The following KCNN4 variants were observed in gnomAD, a reference collection of about 807,000 sequenced individuals.
The protein encoded by KCNN4 is intermediate conductance calcium-activated potassium channel protein 4.
In KCNN4, 31 loss-of-function variants were observed where a neutral mutation model predicts 45.2. The observed-to-expected ratio is 0.69, with a 90% CI of 0.52 to 0.92. The LOEUF is 0.92. KCNN4 is among the 40% of genes least tolerant of loss of function. KCNN4 has a pLI of 0.00. For missense variants in KCNN4, 463 were observed against 574.0 expected (o/e 0.81, Z 1.98); for synonymous variants, 231 against 254.6 (o/e 0.91, Z 0.88).
In KCNN4 at chr19:43,769,317, T is replaced by C; in HGVS notation, c.1049+125A>G. Reference sequence around the variant, plus strand: ...GTCAGATCCAGGTGAGACCTGGATGTTGAGTGAGACCACACCTGGGTGTCC... The same window carrying C: ...GTCAGATCCAGGTGAGACCTGGATGCTGAGTGAGACCACACCTGGGTGTCC... On this transcript the variant is annotated intron_variant, in intron 6 of 8. Transcript: ENST00000648319. This position sits in a 1 kb window ranked among gnomAD's most constrained non-coding sequence, Gnocchi z 4.4. 2 of 779,114 alleles carry C rather than the reference T, an allele frequency of 2.6e-6. No individual in the cohort carries two copies. The highest frequency in any genetic ancestry group is 4.4e-6 in the Non-Finnish European group (2 of 453,516). 48.3% of individuals were successfully genotyped at this position (779,114 alleles called of 1,614,324 possible).
In KCNN4 at chr19:43,774,098, G is replaced by T. The variant is rs1422190360; in HGVS notation, c.683+94C>A. On this transcript the variant is annotated intron_variant, in intron 3 of 8. Coordinates refer to ENST00000648319, the MANE Select transcript of KCNN4 (RefSeq NM_002250.3). This position sits in a 1 kb window ranked among gnomAD's most constrained non-coding sequence, Gnocchi z 5.6. Reference sequence around the variant, plus strand: ...AAGTGTGAACTTTCTCCACTGCTTGGTCCTAGGGGGCCTCAACCTGCACCG... The same window carrying T: ...AAGTGTGAACTTTCTCCACTGCTTGTTCCTAGGGGGCCTCAACCTGCACCG... The T allele has an allele frequency of 9.9e-6, 13 of 1,314,172 alleles. No homozygotes were observed. The highest frequency in any genetic ancestry group is 1.5e-5 in the African/African-American group (1 of 67,882). The allele number at this position is 1,314,172 out of a possible 1,614,324, so 81.4% of individuals were successfully genotyped here.
rs200732489 is a variant in KCNN4 at position 43,780,857 on chromosome 19, C to T, written c.5G>A (p.Gly2Asp). 108 of 1,613,772 alleles carry T rather than the reference C, an allele frequency of 6.7e-5. No homozygotes were observed. Among genetic ancestry groups the T allele is most frequent in the Non-Finnish European group, 8.8e-5 (104 of 1,179,942 alleles). ...CCCCAGGCCAAGCACCAGATCCCCG[C>T]CCATGGCCCCCGGGGTCTTGGGGCT... M[G>D]GDLVLGLGAL... The change falls in exon 1 of 9, where the codon GGC becomes GAC. Residue 2 changes from glycine to aspartate, a missense_variant. This residue lies in a region of KCNN4 where 225 missense variants were observed against 240.9 expected (regional missense o/e 0.93). Coordinates refer to ENST00000648319, the MANE Select transcript of KCNN4 (RefSeq NM_002250.3).
At chr19:43,770,523 A>T (rs1226319254) in intron 4 of KCNN4, among the ~76,000 whole-genome samples, 1 of 152,184 alleles carries the variant, frequency 6.6e-6, no homozygotes, top group African/African-American at 2.4e-5. Context: ...GAATCTTCCT[A>T]GGAAGCATCC....
chr19:43,767,485 GCCACAGGAACCCTTCCT>G (rs761405380), intron 8 of KCNN4, 38 bp downstream of exon 8: 465 of 1,579,140 alleles, frequency 2.9e-4, no homozygotes, highest in Non-Finnish European at 3.7e-4. Flanking sequence ...TAGGGTGCTG[GCCACAGGAACCCTTCCT>G]CCAGGATGCC....
In KCNN4 at chr19:43,769,767, T is replaced by C; in HGVS notation, c.882A>G (p.Ala294=). Residue 294 remains alanine, a synonymous_variant, in exon 5 of 9, where the codon GCA becomes GCG. Coordinates refer to ENST00000648319, the MANE Select transcript of KCNN4 (RefSeq NM_002250.3). The surrounding 1 kb of genome is among the most constrained non-coding windows in gnomAD (Gnocchi z 4.4). Reference sequence around the variant, plus strand: ...TCATGAAGTTGTGCACGTGCTTCTCTGCCTTGTTAAACTCCAGCTTCCGGG... The same window carrying C: ...TCATGAAGTTGTGCACGTGCTTCTCCGCCTTGTTAAACTCCAGCTTCCGGG... The part of the protein sequence containing the change: ...VVARKLEFNK[A]EKHVHNFMMD... 1 of 1,613,966 alleles carries C rather than the reference T, an allele frequency of 6.2e-7. No homozygotes were observed. Among genetic ancestry groups the C allele is most frequent in the Non-Finnish European group, 8.5e-7 (1 of 1,179,976 alleles).
intron 8 of KCNN4, chr19:43,767,299 G>A (rs1969506736): frequency 1.9e-6 from 1 of 533,066 alleles, no homozygotes; most frequent in African/African-American, 1.9e-5. Context: ...CAGAGAGAGA[G>A]AGAGAGACCA....
chr19:43,770,718 C>A (rs78631678), intron 4 of KCNN4, among the ~76,000 whole-genome samples: 1 of 152,272 alleles, frequency 6.6e-6, no homozygotes, highest in East Asian at 1.9e-4. Context: ...TTACCCCTGG[C>A]AAGTGTGTAG....
chr19:43,777,697 G>A (rs1174301545), intron 1 of KCNN4, among the ~76,000 whole-genome samples: 1 of 148,932 alleles, frequency 6.7e-6, no homozygotes, highest in Non-Finnish European at 1.5e-5. Flanking sequence ...CTCTCTTTGT[G>A]TGGCACAACC....
rs139516899 is a variant in KCNN4, at chr19:43,774,356, G to A, written c.519C>T (p.Val173=). 80 of 1,609,148 alleles carry A rather than the reference G, an allele frequency of 5.0e-5. No homozygotes were observed. The African/African-American group carries it at 9.2e-4, about 19-fold the overall frequency. The part of the protein sequence containing the change: ...VPRAVLLRSG[V]LLNASYRSIG... ...TGCTGCGGTAGGAAGCGTTGAGCAGGACGCCGCTGCGCAGGAGCACGGCGC... is the reference window on the plus strand; with the variant it reads ...TGCTGCGGTAGGAAGCGTTGAGCAGAACGCCGCTGCGCAGGAGCACGGCGC... The change falls in exon 3 of 9, where the codon GTC becomes GTT. Residue 173 remains valine (V), a synonymous_variant. Coordinates refer to ENST00000648319, the MANE Select transcript of KCNN4 (RefSeq NM_002250.3). This position sits in a 1 kb window ranked among gnomAD's most constrained non-coding sequence, Gnocchi z 5.6.
At chr19:43,780,023 AC>A (rs1205454432) in intron 1 of KCNN4, among the ~76,000 whole-genome samples, 5 of 151,990 alleles carry the variant, frequency 3.3e-5, no homozygotes, top group Non-Finnish European at 5.9e-5. Context: ...CATCTAAGGC[AC>A]TGGGTAAACA....
Position 43,769,339 on chromosome 19 carries a change from G to T in KCNN4, c.1049+103C>A. ...ATGTTGAGTGAGACCACACCTGGGTGTCCTGACCTGGACAGGCATGGACAT... is the reference window on the plus strand; with the variant it reads ...ATGTTGAGTGAGACCACACCTGGGTTTCCTGACCTGGACAGGCATGGACAT... On this transcript the variant is annotated intron_variant, in intron 6 of 8. Coordinates refer to ENST00000648319, the MANE Select transcript of KCNN4 (RefSeq NM_002250.3). The surrounding 1 kb of genome is among the most constrained non-coding windows in gnomAD (Gnocchi z 4.4). 1 of 910,692 alleles carries T rather than the reference G, an allele frequency of 1.1e-6. No individual in the cohort carries two copies. The highest frequency in any genetic ancestry group is 1.8e-6 in the Non-Finnish European group (1 of 563,680). 56.4% of individuals were successfully genotyped at this position (910,692 alleles called of 1,614,324 possible).
chr19:43,776,878 A>G, intron 1 of KCNN4: 1 of 446,720 alleles, frequency 2.2e-6, no homozygotes, highest in Non-Finnish European at 4.1e-6. Flanking sequence ...CAGGTGGATC[A>G]CCGAAGGTCG....
At chr19:43,776,887 C>T (rs764566311) in intron 1 of KCNN4, 29 of 431,238 alleles carry the variant, frequency 6.7e-5, no homozygotes, top group East Asian at 1.2e-4. Context: ...CACCGAAGGT[C>T]GGGAGTTTGA....
chr19:43,771,998 A>C lies in KCNN4; in HGVS notation c.819+2T>G. The stretch of plus-strand genomic sequence containing the variant: ...TCATGTCCCCAAGGCAGCTGTACTC[A>C]CCATGACTCCAGTGCACAGGCAGAC... On this transcript the variant is annotated splice_donor_variant, in intron 4 of 8. Coordinates refer to ENST00000648319, the MANE Select transcript of KCNN4 (RefSeq NM_002250.3). LOFTEE classifies it high-confidence loss of function. 6.2e-7 allele frequency: 1 copy of C among 1,606,550 alleles called. No individual in the cohort carries two copies. Among genetic ancestry groups the C allele is most frequent in the Non-Finnish European group, 8.5e-7 (1 of 1,177,132 alleles).
At chr19:43,770,703 A>C (rs1359589928) in intron 4 of KCNN4, among the ~76,000 whole-genome samples, 1 of 152,196 alleles carries the variant, frequency 6.6e-6, no homozygotes, top group Non-Finnish European at 1.5e-5. Context: ...GGTGGATTTC[A>C]TGAATTACCC....
intron 1 of KCNN4, among the ~76,000 whole-genome samples, chr19:43,777,323 G>C (rs1475795781): frequency 7.2e-6 from 1 of 138,614 alleles, no homozygotes; most frequent in Non-Finnish European, 1.6e-5. Flanking sequence ...GTGTGTGTGT[G>C]TGGGTGTGTG....
In KCNN4 at chr19:43,769,452, C is replaced by T. The variant is rs775470701; in HGVS notation, c.1039G>A (p.Ala347Thr). The part of the protein sequence containing the change: ...ARRHQRKLLA[A>T]INAFRQVRLK... ...CAAAGCGGCCCTCACGCGTTGATGGCGGCCAGCAGCTTGCGCTGATGCCTG... is the reference window on the plus strand; with the variant it reads ...CAAAGCGGCCCTCACGCGTTGATGGTGGCCAGCAGCTTGCGCTGATGCCTG... The change falls in exon 6 of 9, where the codon GCC becomes ACC. Residue 347 changes from alanine to threonine, a missense_variant. Ala to Thr is a moderately conservative substitution (Grantham distance 58). This residue lies in a region of KCNN4 where 129 missense variants were observed against 149.4 expected (regional missense o/e 0.86). Coordinates refer to ENST00000648319, the MANE Select transcript of KCNN4 (RefSeq NM_002250.3). This position sits in a 1 kb window ranked among gnomAD's most constrained non-coding sequence, Gnocchi z 4.4. 5 of 1,613,852 alleles carry T rather than the reference C, an allele frequency of 3.1e-6. No homozygotes were observed. Among genetic ancestry groups the T allele is most frequent in the Non-Finnish European group, 4.2e-6 (5 of 1,179,780 alleles).
At position 43,772,464 on chromosome 19, in the gene KCNN4, G is replaced by T. The variant is rs1969669809; in HGVS notation, c.684-329C>A. ...TAGCATTCAGAGCGTGTGGTTGAGG[G>T]TGGAGAGTCGATAGGGGGCCAAAAC... On this transcript the variant is annotated intron_variant, in intron 3 of 8. Transcript: ENST00000648319. The surrounding 1 kb of genome is among the most constrained non-coding windows in gnomAD (Gnocchi z 4.4). Among the ~76,000 whole-genome samples the T allele has an allele frequency of 6.6e-6, 1 of 152,150 alleles. No homozygotes were observed. The highest frequency in any genetic ancestry group is 1.5e-5 in the Non-Finnish European group (1 of 68,034).
intron 4 of KCNN4, among the ~76,000 whole-genome samples, chr19:43,770,886 G>T (rs1175179069): frequency 6.6e-6 from 1 of 152,166 alleles, no homozygotes; most frequent in Non-Finnish European, 1.5e-5. Flanking sequence ...GAGGGAGGAG[G>T]TCCTGAGCGG....
Sources: gnomAD v4.1 joint callset for allele counts (sites outside exome capture counted in the v4.1 genomes callset) on GRCh38, gnomAD v4.1.1 for gene constraint, gnomAD v4.1.1 regional missense constraint, Gnocchi (gnomAD v3.1) non-coding constraint, MANE v1.5 for transcripts, NCBI Gene and HGNC (gene_info 2026-07-23, HGNC 2026-07-21) for gene names.